ECPAS: variants seen among roughly 807,000 people sequenced by gnomAD.
ECPAS encodes the protein Ecm29 proteasome adaptor and scaffold.
A neutral mutation model predicts 255.1 loss-of-function variants in ECPAS; 70 were observed. The observed-to-expected ratio is 0.27, with a 90% CI of 0.23 to 0.33. The LOEUF is 0.33. ECPAS is among the 10% of genes least tolerant of loss of function. The probability of loss-of-function intolerance (pLI) is 1.00; values close to 1 mark genes in which losing one functional copy is unlikely to be tolerated. For missense variants in ECPAS, 1,817 were observed against 2,206.4 expected, an observed-to-expected ratio of 0.82 and a Z score of 3.54; for synonymous variants, 784 against 775.0, an observed-to-expected ratio of 1.01 and a Z score of -0.19.
intron 25 of ECPAS, among the ~76,000 whole-genome samples, chr9:111,396,027 T>C (rs1359518430): frequency 6.6e-6 from 1 of 152,242 alleles, no homozygotes; most frequent in Non-Finnish European, 1.5e-5. Context: ...CGCATTACCG[T>C]GGAGTTAAAT....
intron 25 of ECPAS, among the ~76,000 whole-genome samples, chr9:111,396,032 T>C (rs988245822): frequency 6.6e-5 from 10 of 152,162 alleles, no homozygotes; most frequent in African/African-American, 2.2e-4. Context: ...TACCGTGGAG[T>C]TAAATGTTAA....
intron 6 of ECPAS, 100 bp downstream of exon 6, chr9:111,440,272 T>C: frequency 3.0e-6 from 3 of 1,000,788 alleles, no homozygotes; most frequent in South Asian, 2.3e-5. Flanking sequence ...GATGTTGAGA[T>C]GCATTCATTT....
rs2098207196 is a variant in ECPAS at position 111,418,083 on chromosome 9, A to T, written c.1560-77T>A. The T allele has an allele frequency of 2.2e-6, 3 of 1,345,424 alleles. No homozygotes were observed. In the South Asian group the frequency reaches 4.6e-5, roughly 21 times the overall value. 83.3% of individuals were successfully genotyped at this position (1,345,424 alleles called of 1,614,324 possible). On this transcript the variant is annotated intron_variant, in intron 16 of 49. Transcript: ENST00000684092. ...TGATCATTTGAAGAATAAGAACAGC[A>T]ATTTTATTTGGCAGCTAGAGTTCTC...
intron 1 of ECPAS, among the ~76,000 whole-genome samples, chr9:111,481,822 T>G (rs1393839119): frequency 6.6e-6 from 1 of 152,308 alleles, no homozygotes; most frequent in East Asian, 1.9e-4. Context: ...CTTGAGGACA[T>G]TATGCTAAAT....
intron 2 of ECPAS, among the ~76,000 whole-genome samples, chr9:111,470,757 C>CAT (rs1554803809): frequency 6.7e-6 from 1 of 150,166 alleles, no homozygotes; most frequent in African/African-American, 2.5e-5. Flanking sequence ...CACACACACA[C>CAT]ACACACACAC....
At chr9:111,407,924 C>A (rs60564600) in intron 24 of ECPAS, among the ~76,000 whole-genome samples, 1 of 152,036 alleles carries the variant, frequency 6.6e-6, no homozygotes, top group Non-Finnish European at 1.5e-5. Context: ...AGAAAAAGAA[C>A]AAGAGACATG....
chr9:111,450,348 T>C (rs1338365861), intron 3 of ECPAS, among the ~76,000 whole-genome samples: 1 of 152,200 alleles, frequency 6.6e-6, no homozygotes, highest in South Asian at 2.1e-4. Context: ...AAGGATTAAC[T>C]GCAGACATGC....
chr9:111,364,172 C>T (rs938341644), intron 48 of ECPAS, among the ~76,000 whole-genome samples: 1 of 152,158 alleles, frequency 6.6e-6, no homozygotes, highest in South Asian at 2.1e-4. Flanking sequence ...CCTTGGCATC[C>T]ACTCTTTGAC....
chr9:111,438,290 T>TA (rs1474759371), intron 6 of ECPAS, among the ~76,000 whole-genome samples: 1 of 152,190 alleles, frequency 6.6e-6, no homozygotes, highest in African/African-American at 2.4e-5. Flanking sequence ...CTGGTGGCAT[T>TA]AAGTAAATCA....
At chr9:111,460,522 A>G (rs898090993) in intron 2 of ECPAS, among the ~76,000 whole-genome samples, 9 of 152,214 alleles carry the variant, frequency 5.9e-5, no homozygotes, top group Non-Finnish European at 1.3e-4. Flanking sequence ...CATTAAGATT[A>G]CAAAGGAAGA....
chr9:111,482,419 T>C (rs1481498533), intron 1 of ECPAS, among the ~76,000 whole-genome samples: 1 of 152,226 alleles, frequency 6.6e-6, no homozygotes, highest in Non-Finnish European at 1.5e-5. Flanking sequence ...AAGGTTGCTA[T>C]GAGGGCAAAA....
intron 24 of ECPAS, among the ~76,000 whole-genome samples, chr9:111,406,860 G>C (rs1366386434): frequency 6.7e-6 from 1 of 149,082 alleles, no homozygotes; most frequent in African/African-American, 2.6e-5. Context: ...CTTGGTGAGA[G>C]AATGAGATCC....
At chr9:111,368,714 G>A (rs572191903) in intron 46 of ECPAS, among the ~76,000 whole-genome samples, 4 of 152,188 alleles carry the variant, frequency 2.6e-5, no homozygotes, top group Non-Finnish European at 4.4e-5. Context: ...AAGCCAAGGA[G>A]AGAGGTCTCA....
At chr9:111,417,168 C>T (rs1241131788) in intron 17 of ECPAS, among the ~76,000 whole-genome samples, 3 of 151,506 alleles carry the variant, frequency 2.0e-5, no homozygotes, top group Admixed American at 6.6e-5. Flanking sequence ...GAGTCTGGGA[C>T]GTGGAGGTTT....
intron 6 of ECPAS, 87 bp downstream of exon 6, chr9:111,440,285 T>C: frequency 1.7e-6 from 2 of 1,195,192 alleles, no homozygotes; most frequent in Non-Finnish European, 2.3e-6. Flanking sequence ...ATTCATTTAC[T>C]AGTGAGAGTT....
intron 46 of ECPAS, 53 bp from the exon 47 acceptor site, chr9:111,366,680 G>A: frequency 8.5e-7 from 1 of 1,171,648 alleles, no homozygotes; most frequent in South Asian, 1.3e-5. Context: ...AAAAGAACAA[G>A]AGATGGAATA....
intron 9 of ECPAS, among the ~76,000 whole-genome samples, chr9:111,428,798 G>A (rs894572148): frequency 1.3e-5 from 2 of 151,678 alleles, no homozygotes; most frequent in African/African-American, 4.8e-5. Flanking sequence ...CCATATCAAT[G>A]AACTTTTGTA....
intron 20 of ECPAS, among the ~76,000 whole-genome samples, chr9:111,413,635 C>CA (rs199539073): frequency 0.075 from 10,001 of 134,072 alleles, 434 homozygotes; most frequent in East Asian, 0.21. Flanking sequence ...CTTATTTTTT[C>CA]AAAAAAAAAA....
chr9:111,361,953 C>G lies in ECPAS; in HGVS notation c.*77G>C, dbSNP rs1434051548. 5.3e-6 allele frequency: 8 copies of G among 1,510,108 alleles called. No individual in the cohort carries two copies. Among genetic ancestry groups the G allele is most frequent in the Non-Finnish European group, 7.1e-6 (8 of 1,121,064 alleles). The allele number at this position is 1,510,108 out of a possible 1,614,324, so 93.5% of individuals were successfully genotyped here. A position where few individuals can be genotyped will look rare whatever the true frequency, so the allele number is the denominator to read the frequency against. On this transcript the variant is annotated 3_prime_UTR_variant, in exon 50 of 50. Coordinates refer to ENST00000684092, the MANE Select transcript of ECPAS (RefSeq NM_001364929.1). ...GCTACAGATTAATCTTTACTTTTTCCCACTTGGTTTTTCAAAGAACACCAC... is the reference window on the plus strand; with the variant it reads ...GCTACAGATTAATCTTTACTTTTTCGCACTTGGTTTTTCAAAGAACACCAC...
Sources: gnomAD v4.1 joint callset for allele counts (sites outside exome capture counted in the v4.1 genomes callset) on GRCh38, gnomAD v4.1.1 for gene constraint, MANE v1.5 for transcripts, NCBI Gene and HGNC (gene_info 2026-07-23, HGNC 2026-07-21) for gene names.